RAB5A: variants seen among roughly 807,000 people sequenced by gnomAD.
The protein encoded by RAB5A is ras-related protein Rab-5A.
Under a neutral mutation model 25.7 loss-of-function variants are expected in RAB5A, and 8 were observed. That is an observed-to-expected ratio of 0.31 (90% CI 0.18 to 0.56). RAB5A has a LOEUF of 0.56. Ranked by LOEUF, RAB5A falls within the 20% of genes least tolerant of loss-of-function variation. The pLI, the probability that RAB5A is intolerant of heterozygous loss-of-function variation, is 0.91. For missense variants in RAB5A, 192 were observed against 259.7 expected (o/e 0.74, Z 1.79); for synonymous variants, 98 against 89.8 (o/e 1.09, Z -0.52).
intron 2 of RAB5A, 93 bp from the exon 3 acceptor site, chr3:19,975,508 G>A (rs1038065037): frequency 8.1e-7 from 1 of 1,240,516 alleles, no homozygotes; most frequent in African/African-American, 1.5e-5. Flanking sequence ...GGTACAGTGT[G>A]ACATTTTGAT....
Position 19,970,377 on chromosome 3 carries a change from A to G in RAB5A, c.164-5224A>G, listed in dbSNP as rs1052837907. Among the ~76,000 whole-genome samples the G allele has an allele frequency of 4.6e-5, 7 of 152,116 alleles. No individual in the cohort carries two copies. In the South Asian group the frequency reaches 6.2e-4, roughly 14 times the overall value. ...GCTTCAGCTATTCTCACCTGATTCC[A>G]GGGTCTGTGGTAAAGTAATTTGTAG... is the stretch of plus-strand genomic sequence containing the variant. On this transcript the variant is annotated intron_variant, in intron 2 of 5. Transcript: ENST00000273047.
At chr3:19,980,529 T>C (rs1438035089) in intron 5 of RAB5A, among the ~76,000 whole-genome samples, 1 of 152,056 alleles carries the variant, frequency 6.6e-6, no homozygotes, top group Non-Finnish European at 1.5e-5. Context: ...ATAACAACTC[T>C]AATCAATGCA....
Position 19,950,835 on chromosome 3 carries a change from G to T in RAB5A, c.-64G>T. On this transcript the variant is annotated 5_prime_UTR_variant, in exon 2 of 6. Coordinates refer to ENST00000273047, the MANE Select transcript of RAB5A (RefSeq NM_004162.5). ...CTTTACCTCCAGAAAGAAGAATATT[G>T]GCCCCTTGAATTCTGGAAGTTCATT... 3 of 1,488,296 alleles carry T rather than the reference G, an allele frequency of 2.0e-6. No individual in the cohort carries two copies. Among genetic ancestry groups the T allele is most frequent in the South Asian group, 1.3e-5 (1 of 78,216 alleles). The allele number at this position is 1,488,296 out of a possible 1,614,324, so 92.2% of individuals were successfully genotyped here.
chr3:19,964,754 G>A (rs576903859), intron 2 of RAB5A, among the ~76,000 whole-genome samples: 5 of 152,258 alleles, frequency 3.3e-5, no homozygotes, highest in African/African-American at 1.2e-4. Context: ...TGGGACTACA[G>A]GCGCATGTCA....
At chr3:19,954,344 T>C (rs1410974869) in intron 2 of RAB5A, among the ~76,000 whole-genome samples, 1 of 152,226 alleles carries the variant, frequency 6.6e-6, no homozygotes, top group East Asian at 1.9e-4. Flanking sequence ...CTTTACTGTT[T>C]ATATCTCCTA....
At chr3:19,961,415 CAT>C (rs1696582632) in intron 2 of RAB5A, among the ~76,000 whole-genome samples, 3 of 151,508 alleles carry the variant, frequency 2.0e-5, no homozygotes, top group African/African-American at 4.9e-5. Context: ...AAATTTGGCT[CAT>C]AGTTAGAGTA....
At chr3:19,951,528 CT>C (rs1162368247) in intron 2 of RAB5A, among the ~76,000 whole-genome samples, 4 of 151,660 alleles carry the variant, frequency 2.6e-5, no homozygotes, top group Non-Finnish European at 5.9e-5. Flanking sequence ...GCTAGATGTA[CT>C]TTTTTTTGGT....
At chr3:19,951,144 T>C (rs1298406504) in intron 2 of RAB5A, 83 bp downstream of exon 2, 14 of 1,478,430 alleles carry the variant, frequency 9.5e-6, no homozygotes, top group East Asian at 2.3e-5. Context: ...TGTGTGATTA[T>C]GAATAGCTAA....
intron 2 of RAB5A, among the ~76,000 whole-genome samples, chr3:19,954,914 C>G (rs940394113): frequency 5.3e-5 from 8 of 152,156 alleles, no homozygotes; most frequent in Non-Finnish European, 1.0e-4. Flanking sequence ...GTAGATTTAG[C>G]AATTTAGAGA....
chr3:19,950,055 A>G (rs920538144), intron 1 of RAB5A, among the ~76,000 whole-genome samples: 7 of 152,192 alleles, frequency 4.6e-5, no homozygotes, highest in African/African-American at 1.7e-4. Flanking sequence ...ATTTTTTTAA[A>G]AATGGCATGT....
intron 2 of RAB5A, among the ~76,000 whole-genome samples, chr3:19,961,722 A>C (rs1052753933): frequency 2.0e-5 from 3 of 152,188 alleles, no homozygotes; most frequent in Admixed American, 2.0e-4. Context: ...CTCATCTTCT[A>C]TCTAGCCCAC....
At chr3:19,953,244 A>T (rs1696449960) in intron 2 of RAB5A, among the ~76,000 whole-genome samples, 1 of 152,154 alleles carries the variant, frequency 6.6e-6, no homozygotes, top group Admixed American at 6.5e-5. Flanking sequence ...TATCCTGTGT[A>T]TCATAAATAT....
At chr3:19,977,963 C>T (rs529364076) in intron 4 of RAB5A, among the ~76,000 whole-genome samples, 152 of 152,186 alleles carry the variant, frequency 1.0e-3, no homozygotes, top group South Asian at 2.3e-3. Flanking sequence ...ACAGTAAGTG[C>T]AAATAAAAAT....
intron 4 of RAB5A, among the ~76,000 whole-genome samples, chr3:19,977,066 A>G (rs1032760271): frequency 2.6e-5 from 4 of 151,238 alleles, no homozygotes; most frequent in Non-Finnish European, 4.4e-5. Context: ...CAAGTCCTCT[A>G]TTTAGACTTT....
At chr3:19,977,575 A>G (rs1696845990) in intron 4 of RAB5A, among the ~76,000 whole-genome samples, 1 of 152,228 alleles carries the variant, frequency 6.6e-6, no homozygotes, top group African/African-American at 2.4e-5. Flanking sequence ...TAGGACAACG[A>G]TGTGAGATGT....
rs1482282555 is a variant in RAB5A, at chr3:19,984,637, A to G, written c.*814A>G. On this transcript the variant is annotated 3_prime_UTR_variant, in exon 6 of 6. Transcript: ENST00000273047. Reference sequence around the variant, plus strand: ...GGGAGGGGGCTTTTGTTCCCTTTTGACATAATATAGTCAATGCACTAACAA... The same window carrying G: ...GGGAGGGGGCTTTTGTTCCCTTTTGGCATAATATAGTCAATGCACTAACAA... 6.2e-6 allele frequency: 1 copy of G among 162,244 alleles called. No homozygotes were observed. The highest frequency in any genetic ancestry group is 1.3e-5 in the Non-Finnish European group (1 of 74,758). The allele number at this position is 162,244 out of a possible 1,614,324, so 10.1% of individuals were successfully genotyped here.
chr3:19,970,587 T>C (rs757284849), intron 2 of RAB5A: 4 of 456,542 alleles, frequency 8.8e-6, no homozygotes, highest in African/African-American at 4.0e-5. Flanking sequence ...TTGTGAAATA[T>C]GGGCCCGAAA....
At chr3:19,982,159 G>T (rs548096160) in intron 5 of RAB5A, among the ~76,000 whole-genome samples, 106 of 152,016 alleles carry the variant, frequency 7.0e-4, no homozygotes, top group Non-Finnish European at 9.3e-4. Flanking sequence ...GATCTTTTGA[G>T]CCCAGGAGTT....
At chr3:19,960,346 A>G (rs533475452) in intron 2 of RAB5A, among the ~76,000 whole-genome samples, 2 of 152,150 alleles carry the variant, frequency 1.3e-5, no homozygotes, top group African/African-American at 4.8e-5. Flanking sequence ...TCTGTGCTAG[A>G]CTGGAGTGCA....
Sources: allele counts gnomAD v4.1 joint callset (sites outside exome capture counted in the v4.1 genomes callset), GRCh38; gene constraint gnomAD v4.1.1; transcripts MANE v1.5; gene names NCBI Gene and HGNC (gene_info 2026-07-23, HGNC 2026-07-21).